The following TSEN15 variants were observed in gnomAD, a reference collection of about 807,000 sequenced individuals.
TSEN15 encodes tRNA-splicing endonuclease subunit Sen15.
A neutral mutation model predicts 20.5 loss-of-function variants in TSEN15; 10 were observed. The ratio of observed to expected loss-of-function variants is 0.49; its 90% confidence interval spans 0.30 to 0.83. The LOEUF (loss-of-function observed/expected upper bound fraction) is 0.83. Ranked by LOEUF, TSEN15 falls within the 40% of genes least tolerant of loss-of-function variation. The pLI is 0.06. For missense variants in TSEN15, 180 were observed against 218.6 expected, an observed-to-expected ratio of 0.82 and a Z score of 1.11; for synonymous variants, 72 against 80.1, an observed-to-expected ratio of 0.90 and a Z score of 0.54.
chr1:184,088,007 G>C (rs913624164), intron 3 of TSEN15, among the ~76,000 whole-genome samples: 2 of 152,142 alleles, frequency 1.3e-5, no homozygotes, highest in Non-Finnish European at 2.9e-5. Context: ...CCACCACAAG[G>C]CTTCGTAATT....
intron 3 of TSEN15, among the ~76,000 whole-genome samples, chr1:184,063,559 G>A (rs1369863520): frequency 6.6e-6 from 1 of 152,084 alleles, no homozygotes; most frequent in Admixed American, 6.6e-5. Flanking sequence ...CCTCAATGTT[G>A]TTTTCAAAAG....
At chr1:184,054,566 A>G in intron 2 of TSEN15, 131 bp downstream of exon 2, 1 of 1,177,632 alleles carries the variant, frequency 8.5e-7, no homozygotes, top group South Asian at 1.5e-5. Context: ...CAATTTATTT[A>G]TTTACATTGG....
chr1:184,081,360 C>T (rs1651164348), intron 3 of TSEN15, among the ~76,000 whole-genome samples: 1 of 152,196 alleles, frequency 6.6e-6, no homozygotes, highest in South Asian at 2.1e-4. Context: ...GTGACAGGGC[C>T]TCCACCATCT....
intron 3 of TSEN15, among the ~76,000 whole-genome samples, chr1:184,087,035 A>G (rs1437345453): frequency 6.6e-6 from 1 of 152,152 alleles, no homozygotes; most frequent in Non-Finnish European, 1.5e-5. Context: ...AAAATTCTAG[A>G]TACTATGGAT....
rs757594833 is a variant in TSEN15 at position 184,055,005 on chromosome 1, A to G, written c.353+142A>G. 13 of 915,412 alleles carry G rather than the reference A, an allele frequency of 1.4e-5. No individual in the cohort carries two copies. The East Asian group carries it at 2.9e-4, about 21-fold the overall frequency. The allele number at this position is 915,412 out of a possible 1,614,324, so 56.7% of individuals were successfully genotyped here. A position where few individuals can be genotyped will look rare whatever the true frequency, so the allele number is the denominator to read the frequency against. On this transcript the variant is annotated intron_variant, in intron 3 of 4. Coordinates refer to ENST00000645668, the MANE Select transcript of TSEN15 (RefSeq NM_052965.4). ...TGGCTATTTGAGGAATAAGTTAAAT[A>G]TGAGTGTTGTATTCGGCCATTCTTG... is the stretch of plus-strand genomic sequence containing the variant.
At chr1:184,080,978 G>C (rs1651155862) in intron 3 of TSEN15, among the ~76,000 whole-genome samples, 1 of 152,154 alleles carries the variant, frequency 6.6e-6, no homozygotes, top group Non-Finnish European at 1.5e-5. Context: ...AAGACATCGT[G>C]CTAAGATCTG....
At chr1:184,075,780 C>G (rs1651047328), downstream of TSEN15, among the ~76,000 whole-genome samples, 1 of 151,724 alleles carries the variant, frequency 6.6e-6, no homozygotes, top group Admixed American at 6.6e-5. Context: ...TCTGGCATGC[C>G]TCTAAAATTA....
intron 3 of TSEN15, chr1:184,095,656 TCTCTCTC>T (rs1651436860): frequency 5.0e-6 from 2 of 397,748 alleles, no homozygotes; most frequent in Non-Finnish European, 8.9e-6. Context: ...TCTCTCTCTC[TCTCTCTC>T]TCTCTGTGTC....
At chr1:184,053,830 G>T (rs1169887541) in intron 1 of TSEN15, among the ~76,000 whole-genome samples, 1 of 152,160 alleles carries the variant, frequency 6.6e-6, no homozygotes, top group African/African-American at 2.4e-5. Flanking sequence ...ACAAATAAGA[G>T]GCTAGGGAAA....
Position 184,072,247 on chromosome 1 carries a change from T to C in TSEN15, c.444T>C (p.Ser148=). ...SFTLAIVESD[S]TIVYYKLTDG... ...CTTTGGCCATAGTGGAGTCTGATTC[T>C]ACAATAGTCTATTATAAACTTACTG... is the stretch of plus-strand genomic sequence containing the variant. The change falls in exon 4 of 5, where the codon TCT becomes TCC. Residue 148 remains serine (S), a synonymous_variant. Coordinates refer to ENST00000645668, the MANE Select transcript of TSEN15 (RefSeq NM_052965.4). 6.2e-7 allele frequency: 1 copy of C among 1,613,512 alleles called. No homozygotes were observed. Among genetic ancestry groups the C allele is most frequent in the Non-Finnish European group, 8.5e-7 (1 of 1,179,666 alleles).
chr1:184,075,658 AAG>A (rs1200165003), downstream of TSEN15, among the ~76,000 whole-genome samples: 4 of 151,690 alleles, frequency 2.6e-5, no homozygotes, highest in Admixed American at 2.6e-4. Flanking sequence ...AGACTCTACT[AAG>A]AGTAGATTAG....
At chr1:184,055,057 T>A in intron 3 of TSEN15, 194 bp downstream of exon 3, 1 of 488,684 alleles carries the variant, frequency 2.0e-6, no homozygotes, top group Non-Finnish European at 3.2e-6. Context: ...TACCTGAGAC[T>A]GAGTAATTTC....
chr1:184,068,085 A>AT (rs1445069923), intron 3 of TSEN15, among the ~76,000 whole-genome samples: 7 of 149,756 alleles, frequency 4.7e-5, no homozygotes, highest in Non-Finnish European at 8.9e-5. Context: ...TTTTAGTTGA[A>AT]TTTTTTTTCA....
At chr1:184,054,254 A>G in intron 1 of TSEN15, 100 bp from the exon 2 acceptor site, 1 of 712,892 alleles carries the variant, frequency 1.4e-6, no homozygotes, top group Non-Finnish European at 2.2e-6. Context: ...TACCTAGAAG[A>G]ATTTTATAGA....
chr1:184,064,415 G>T (rs2102886946), intron 3 of TSEN15, among the ~76,000 whole-genome samples: 1 of 152,282 alleles, frequency 6.6e-6, no homozygotes, highest in Middle Eastern at 3.4e-3. Flanking sequence ...GTACCTGCCT[G>T]CAGTTGGTGA....
chr1:184,095,336 C>A (rs1255966774), intron 3 of TSEN15: 4 of 389,028 alleles, frequency 1.0e-5, no homozygotes, highest in Non-Finnish European at 1.8e-5. Flanking sequence ...AGACTTTGGG[C>A]AAATTAATGA....
chr1:184,071,979 G>A (rs911458733), intron 3 of TSEN15, 178 bp from the exon 4 acceptor site: 2 of 509,228 alleles, frequency 3.9e-6, no homozygotes, highest in East Asian at 3.2e-5. Flanking sequence ...GTGTAATGTT[G>A]AACTTATTTG....
intron 3 of TSEN15, among the ~76,000 whole-genome samples, chr1:184,079,505 A>G (rs1188812231): frequency 1.3e-5 from 2 of 152,078 alleles, no homozygotes; most frequent in African/African-American, 4.8e-5. Flanking sequence ...TGGCTTTCAG[A>G]TGGCAGCCTT....
At chr1:184,054,953 G>T in intron 3 of TSEN15, 90 bp downstream of exon 3, 1 of 1,416,898 alleles carries the variant, frequency 7.1e-7, no homozygotes, top group East Asian at 2.4e-5. Context: ...AATGAAATTT[G>T]GGATACAGGG....
Sources: gnomAD v4.1 joint callset for allele counts (sites outside exome capture counted in the v4.1 genomes callset) on GRCh38, gnomAD v4.1.1 for gene constraint, MANE v1.5 for transcripts, NCBI Gene and HGNC (gene_info 2026-07-23, HGNC 2026-07-21) for gene names.